Variants in DCC observed in about 807,000 individuals in gnomAD.
The protein encoded by DCC is DCC netrin 1 receptor, also known as netrin receptor DCC.
A neutral mutation model predicts 172.5 loss-of-function variants in DCC; 58 were observed. That is an observed-to-expected ratio of 0.34 (90% CI 0.27 to 0.42). DCC has a LOEUF of 0.42. Ranked by LOEUF, DCC falls within the 10% of genes least tolerant of loss-of-function variation. The pLI is 1.00. For synonymous variants in DCC, 709 were observed against 644.5 expected (o/e 1.10, Z -1.52); for missense variants, 1,740 against 1,791.0 (o/e 0.97, Z 0.51).
intron 1 of DCC, among the ~76,000 whole-genome samples, chr18:52,485,092 T>C (rs751698120): frequency 1.3e-5 from 2 of 152,156 alleles, no homozygotes; most frequent in East Asian, 1.9e-4. Flanking sequence ...ACTGCTGATC[T>C]ATAGCATTTA....
At chr18:53,320,978 G>A (rs1010845582) in intron 13 of DCC, among the ~76,000 whole-genome samples, 1 of 152,078 alleles carries the variant, frequency 6.6e-6, no homozygotes, top group Non-Finnish European at 1.5e-5. Flanking sequence ...ACCGTCTATT[G>A]AAGGCAACTG....
At chr18:53,025,825 C>T (rs1408195409) in intron 5 of DCC, among the ~76,000 whole-genome samples, 2 of 148,724 alleles carry the variant, frequency 1.3e-5, no homozygotes, top group African/African-American at 4.9e-5. Flanking sequence ...CACACACACA[C>T]ACACACATAA....
In DCC at chr18:52,561,280, GTGTGTGTA is replaced by G. The variant is rs984393202; in HGVS notation, c.92-190760_92-190753del. 2.8e-3 allele frequency among the ~76,000 whole-genome samples: 20 copies of G among 7,178 alleles called. No homozygotes were observed. In the South Asian group the frequency reaches 0.25, roughly 90 times the overall value. 4.7% of individuals were successfully genotyped at this position (7,178 alleles called of 152,430 possible). A position where few individuals can be genotyped will look rare whatever the true frequency, so the allele number is the denominator to read the frequency against. On this transcript the variant is annotated intron_variant, in intron 1 of 28. Coordinates refer to ENST00000442544, the MANE Select transcript of DCC (RefSeq NM_005215.4). The stretch of plus-strand genomic sequence containing the variant: ...AATTCTAGAGTTTTTATGATTTTAT[GTGTGTGTA>G]TGTGTGTATGTGTATATAGGCAGAG...
chr18:52,783,176 T>C (rs1287406119), intron 2 of DCC, among the ~76,000 whole-genome samples: 3 of 152,160 alleles, frequency 2.0e-5, no homozygotes, highest in East Asian at 3.9e-4. Flanking sequence ...ATTCAATTTA[T>C]ATAAGCTGTC....
intron 5 of DCC, among the ~76,000 whole-genome samples, chr18:52,972,652 T>A (rs1268270102): frequency 6.6e-6 from 1 of 151,620 alleles, no homozygotes; most frequent in African/African-American, 2.4e-5. Context: ...AATGCAAAAC[T>A]AAGGAATTAA....
In DCC at chr18:53,267,133, CATAT is replaced by C. The variant is rs374515719; in HGVS notation, c.1912-38431_1912-38428del. 1.2e-3 allele frequency among the ~76,000 whole-genome samples: 173 copies of C among 145,444 alleles called. 1 individual carries two copies. Among genetic ancestry groups the C allele is most frequent in the African/African-American group, 4.0e-3 (146 of 36,734 alleles). ...TCTCACACACACACACACACACACACATATATATATATATATAGAGAGAGAGAGA... is the reference window on the plus strand; with the variant it reads ...TCTCACACACACACACACACACACACATATATATATATAGAGAGAGAGAGA... On this transcript the variant is annotated intron_variant, in intron 12 of 28. Coordinates refer to ENST00000442544, the MANE Select transcript of DCC (RefSeq NM_005215.4).
At chr18:52,562,895 G>T (rs566083418) in intron 1 of DCC, among the ~76,000 whole-genome samples, 1 of 152,186 alleles carries the variant, frequency 6.6e-6, no homozygotes, top group South Asian at 2.1e-4. Context: ...CCCCTAAAGT[G>T]CTGGGATTAC....
At chr18:52,980,471 T>G (rs1276832672) in intron 5 of DCC, among the ~76,000 whole-genome samples, 1 of 152,184 alleles carries the variant, frequency 6.6e-6, no homozygotes, top group African/African-American at 2.4e-5. Context: ...CTTTCTTTGT[T>G]TTATCTATTC....
intron 12 of DCC, among the ~76,000 whole-genome samples, chr18:53,250,107 A>G (rs954160167): frequency 1.3e-5 from 2 of 151,938 alleles, no homozygotes; most frequent in African/African-American, 2.4e-5. Flanking sequence ...TTCTGCCCTT[A>G]AGAGAGAACT....
intron 14 of DCC, among the ~76,000 whole-genome samples, chr18:53,329,467 C>T (rs868231223): frequency 1.3e-5 from 2 of 151,884 alleles, no homozygotes; most frequent in African/African-American, 4.8e-5. Flanking sequence ...TTTATAGTAG[C>T]AATAATTAGT....
intron 2 of DCC, among the ~76,000 whole-genome samples, chr18:52,801,932 G>A (rs2037995995): frequency 6.6e-6 from 1 of 151,728 alleles, no homozygotes; most frequent in South Asian, 2.1e-4. Context: ...ACATGCAGAA[G>A]TTAAGCCAGA....
intron 1 of DCC, among the ~76,000 whole-genome samples, chr18:52,639,933 A>G (rs1300532246): frequency 6.6e-6 from 1 of 152,168 alleles, no homozygotes; most frequent in Non-Finnish European, 1.5e-5. Flanking sequence ...ACAGACTGAT[A>G]TCCTTGATGC....
chr18:52,801,130 G>A (rs947935550), intron 2 of DCC, among the ~76,000 whole-genome samples: 3 of 152,170 alleles, frequency 2.0e-5, no homozygotes, highest in Non-Finnish European at 4.4e-5. Context: ...TGTGGCTTCT[G>A]CTACATTCTA....
At chr18:53,248,472 C>G (rs2144652661) in intron 12 of DCC, among the ~76,000 whole-genome samples, 1 of 152,132 alleles carries the variant, frequency 6.6e-6, no homozygotes, top group East Asian at 1.9e-4. Context: ...TGATCAAGAA[C>G]ACATCTTGTC....
intron 12 of DCC, among the ~76,000 whole-genome samples, chr18:53,296,024 T>C (rs990693712): frequency 2.0e-5 from 3 of 152,216 alleles, no homozygotes; most frequent in Admixed American, 6.5e-5. Flanking sequence ...AGGAAGTTTC[T>C]CAATAAGTAT....
chr18:52,646,997 A>T (rs961846130), intron 1 of DCC, among the ~76,000 whole-genome samples: 1 of 152,200 alleles, frequency 6.6e-6, no homozygotes, highest in African/African-American at 2.4e-5. Flanking sequence ...GCTTATAATG[A>T]ATAACAAAAG....
At chr18:53,385,021 CTTTTTTTTTTT>C (rs35779527) in intron 15 of DCC, among the ~76,000 whole-genome samples, 31 of 131,056 alleles carry the variant, frequency 2.4e-4, no homozygotes, top group African/African-American at 8.7e-4. Context: ...TAATTTTTTT[CTTTTTTTTTTT>C]TTTTTTGTAT....
chr18:53,517,769 C>T (rs2046354496), intron 27 of DCC, among the ~76,000 whole-genome samples: 1 of 152,076 alleles, frequency 6.6e-6, no homozygotes, highest in South Asian at 2.1e-4. Context: ...CAATGTTTCT[C>T]TCCCCAGAAG....
At position 52,723,581 on chromosome 18, in the gene DCC, C is replaced by T. The variant is rs536142362; in HGVS notation, c.92-28473C>T. Among the ~76,000 whole-genome samples, 14 of 152,248 alleles carry T rather than the reference C, an allele frequency of 9.2e-5. No homozygotes were observed. In the East Asian group the frequency reaches 2.5e-3, roughly 27 times the overall value. On this transcript the variant is annotated intron_variant, in intron 1 of 28. Transcript: ENST00000442544. ...ATATTTAAAGCATTCATCTAACTTA[C>T]AGAGGGTGAGGCTTGGCTGTGGGAG...
Sources: gnomAD v4.1 joint callset for allele counts (sites outside exome capture counted in the v4.1 genomes callset) on GRCh38, gnomAD v4.1.1 for gene constraint, MANE v1.5 for transcripts, NCBI Gene and HGNC (gene_info 2026-07-23, HGNC 2026-07-21) for gene names.